Variants in CRADD observed in about 807,000 individuals in gnomAD.
The protein encoded by CRADD is CARD and death domain containing adaptor protein.
A neutral mutation model predicts 15.5 loss-of-function variants in CRADD; 9 were observed. The ratio of observed to expected loss-of-function variants is 0.58; its 90% CI spans 0.35 to 1.01. CRADD has a LOEUF of 1.01. Among genes scored for constraint, CRADD ranks in the 50% least tolerant of loss-of-function variants. The probability of loss-of-function intolerance (pLI) is 0.02; values close to 1 mark genes in which losing one functional copy is unlikely to be tolerated. For missense variants in CRADD, 227 were observed against 250.3 expected, an observed-to-expected ratio of 0.91 and a Z score of 0.63; for synonymous variants, 118 against 107.6, an observed-to-expected ratio of 1.10 and a Z score of -0.60.
intron 2 of CRADD, chr12:93,708,373 TG>T (rs1356564109): frequency 6.6e-6 from 1 of 152,168 alleles, no homozygotes; most frequent in Non-Finnish European, 1.5e-5. Context: ...AAGTCCAAAG[TG>T]GTGGCCATTA....
At chr12:93,721,108 T>C (rs1409533043) in intron 2 of CRADD, among the ~76,000 whole-genome samples, 2 of 152,234 alleles carry the variant, frequency 1.3e-5, no homozygotes, top group African/African-American at 4.8e-5. Flanking sequence ...TAAAAATTAT[T>C]TGTAGAAATG....
At chr12:93,894,153 C>G in exon 3 of CRADD, 1 of 702,430 alleles carries the variant, frequency 1.4e-6, no homozygotes, top group Non-Finnish European at 2.6e-6. Context: ...CACCCCAGAC[C>G]CTACCCTCTT....
At chr12:93,725,828 T>C (rs1056325214) in intron 2 of CRADD, among the ~76,000 whole-genome samples, 3 of 152,084 alleles carry the variant, frequency 2.0e-5, no homozygotes, top group Non-Finnish European at 4.4e-5. Context: ...ATTGTTGGGG[T>C]TTATATATAC....
chr12:93,859,907 T>A (rs1356474102), intron 2 of CRADD, among the ~76,000 whole-genome samples: 12 of 151,008 alleles, frequency 7.9e-5, no homozygotes, highest in South Asian at 2.1e-4. Flanking sequence ...TTTTTTTTTT[T>A]TATATAGAGA....
In CRADD at chr12:93,727,678, G is replaced by A. The variant is rs117990026; in HGVS notation, c.298+48606G>A. On this transcript the variant is annotated intron_variant, in intron 2 of 2. Transcript: ENST00000332896. ...GAGGCATGTAAGGGAAATGTGGCTC[G>A]GTGACCCACAGTGCTCAGTGCCCAG... is the stretch of plus-strand genomic sequence containing the variant. Among the ~76,000 whole-genome samples, 1,148 of 152,246 alleles carry A rather than the reference G, an allele frequency of 7.5e-3. 6 individuals carry two copies. Among genetic ancestry groups the A allele is most frequent in the Non-Finnish European group, 0.013 (887 of 68,014 alleles).
At chr12:93,690,518 T>C (rs1301643570) in intron 2 of CRADD, among the ~76,000 whole-genome samples, 1 of 152,144 alleles carries the variant, frequency 6.6e-6, no homozygotes, top group Admixed American at 6.5e-5. Flanking sequence ...AAAAATGGAT[T>C]GAGAATGTAG....
At chr12:93,845,641 A>G (rs1958105655) in intron 2 of CRADD, among the ~76,000 whole-genome samples, 1 of 152,030 alleles carries the variant, frequency 6.6e-6, no homozygotes, top group South Asian at 2.1e-4. Context: ...AATCTGGTCT[A>G]TAAGAAAACC....
Position 93,850,175 on chromosome 12 carries a change from G to T in CRADD, c.504G>T (p.Arg168=). The T allele has an allele frequency of 1.2e-6, 2 of 1,613,768 alleles. No homozygotes were observed. The highest frequency in any genetic ancestry group is 1.7e-5 in the Admixed American group (1 of 59,994). The part of the protein sequence containing the change: ...SQVVEAFIRW[R]QRFGKQATFQ... ...TGGTGGAGGCCTTCATCCGTTGGCG[G>T]CAGCGCTTCGGGAAGCAGGCCACCT... Residue 168 remains arginine, a synonymous_variant, in exon 3 of 3, where the codon CGG becomes CGT. Coordinates refer to ENST00000332896, the MANE Select transcript of CRADD (RefSeq NM_003805.5). This position sits in a 1 kb window ranked among gnomAD's most constrained non-coding sequence, Gnocchi z 4.0.
chr12:93,806,469 AAAAC>A (rs141042138), intron 2 of CRADD, among the ~76,000 whole-genome samples: 18,693 of 131,700 alleles, frequency 0.14, 1,513 homozygotes, highest in East Asian at 0.35. Flanking sequence ...AAAAAAAAAA[AAAAC>A]AAAAAAAAGA....
chr12:93,851,648 C>G (rs138597953), downstream of CRADD, among the ~76,000 whole-genome samples: 188 of 152,298 alleles, frequency 1.2e-3, no homozygotes, highest in African/African-American at 4.5e-3. Context: ...GCTGAGGGCA[C>G]TGTGGGAGGA....
At position 93,850,385 on chromosome 12, in the gene CRADD, C is replaced by T; in HGVS notation, c.*114C>T. ...AGGTTTGTTTTTTATTTTTGATGAT[C>T]TTCAGATGGAAGGAGAAAACAGGGT... On this transcript the variant is annotated 3_prime_UTR_variant, in exon 3 of 3. Transcript: ENST00000332896. This position sits in a 1 kb window ranked among gnomAD's most constrained non-coding sequence, Gnocchi z 4.0. 1 of 1,416,322 alleles carries T rather than the reference C, an allele frequency of 7.1e-7. No homozygotes were observed. The highest frequency in any genetic ancestry group is 1.7e-5 in the South Asian group (1 of 58,682). The allele number at this position is 1,416,322 out of a possible 1,614,324, so 87.7% of individuals were successfully genotyped here.
chr12:93,865,509 C>T (rs1450467693), intron 2 of CRADD, among the ~76,000 whole-genome samples: 1 of 152,182 alleles, frequency 6.6e-6, no homozygotes, highest in Non-Finnish European at 1.5e-5. Flanking sequence ...GCCTCAACCT[C>T]CTCGGCTCAG....
chr12:93,790,620 C>T (rs1957338385), intron 2 of CRADD: 1 of 151,966 alleles, frequency 6.6e-6, no homozygotes, highest in Admixed American at 6.6e-5. Flanking sequence ...TGATGGAAAT[C>T]CCCTAAAATC....
intron 2 of CRADD, among the ~76,000 whole-genome samples, chr12:93,700,007 A>G (rs972468526): frequency 2.0e-5 from 3 of 152,158 alleles, no homozygotes; most frequent in Non-Finnish European, 4.4e-5. Context: ...TAAAGTAGGG[A>G]GTGCTTCGAA....
At chr12:93,793,731 G>A (rs182920695) in intron 2 of CRADD, among the ~76,000 whole-genome samples, 1 of 152,174 alleles carries the variant, frequency 6.6e-6, no homozygotes, top group Admixed American at 6.5e-5. Flanking sequence ...GGGATGAGGG[G>A]CAGATAATTG....
At chr12:93,801,545 C>T (rs1311551328) in intron 2 of CRADD, among the ~76,000 whole-genome samples, 2 of 152,036 alleles carry the variant, frequency 1.3e-5, no homozygotes, top group Admixed American at 1.3e-4. Flanking sequence ...ATTACAAGCA[C>T]CCGCCACTAT....
intron 2 of CRADD, among the ~76,000 whole-genome samples, chr12:93,890,526 G>A (rs956311120): frequency 3.9e-5 from 6 of 152,154 alleles, no homozygotes; most frequent in Admixed American, 2.0e-4. Flanking sequence ...ACCTCTGTCC[G>A]TGCAGGAAGG....
At chr12:93,800,733 A>C (rs982784556) in intron 2 of CRADD, among the ~76,000 whole-genome samples, 6 of 152,168 alleles carry the variant, frequency 3.9e-5, no homozygotes, top group African/African-American at 1.4e-4. Context: ...TAGTATCTTT[A>C]TAGCTGTGTG....
intron 2 of CRADD, among the ~76,000 whole-genome samples, chr12:93,726,180 T>C (rs1322350110): frequency 6.8e-6 from 1 of 147,310 alleles, no homozygotes; most frequent in Non-Finnish European, 1.5e-5. Flanking sequence ...CTCGACTTTC[T>C]GCAACCTTCG....
Sources: allele counts gnomAD v4.1 joint callset (sites outside exome capture counted in the v4.1 genomes callset), GRCh38; gene constraint gnomAD v4.1.1; non-coding constraint Gnocchi (gnomAD v3.1); transcripts MANE v1.5; gene names NCBI Gene and HGNC (gene_info 2026-07-23, HGNC 2026-07-21).